NMNAT3: variants seen among roughly 807,000 people sequenced by gnomAD.
The protein encoded by NMNAT3 is nicotinamide/nicotinic acid mononucleotide adenylyltransferase 3.
A neutral mutation model predicts 24.8 loss-of-function variants in NMNAT3; 21 were observed. That is an observed-to-expected ratio of 0.85 (90% confidence interval 0.60 to 1.22). The LOEUF is 1.22. Ranked by LOEUF, NMNAT3 falls within the 50% of genes most tolerant of loss-of-function variation. NMNAT3 has a pLI of 0.00. For missense variants in NMNAT3, 387 were observed against 436.6 expected (o/e 0.89, Z 1.01); for synonymous variants, 136 against 155.2 (o/e 0.88, Z 0.92).
intron 1 of NMNAT3, among the ~76,000 whole-genome samples, chr3:139,648,722 GA>G (rs2056955501): frequency 1.3e-5 from 2 of 152,166 alleles, no homozygotes; most frequent in Admixed American, 1.3e-4. Context: ...CTGCAATAGT[GA>G]AAAATTAGAG....
At chr3:139,663,985 C>A (rs574640821) in intron 1 of NMNAT3, among the ~76,000 whole-genome samples, 1 of 152,208 alleles carries the variant, frequency 6.6e-6, no homozygotes, top group South Asian at 2.1e-4. Flanking sequence ...CCTGAATTCC[C>A]AGCTTAGAGG....
rs1219617432 is a variant in NMNAT3, at chr3:139,677,895, C to T, written c.-331G>A. 2 of 152,194 alleles carry T rather than the reference C, an allele frequency of 1.3e-5. No individual in the cohort carries two copies. Among genetic ancestry groups the T allele is most frequent in the African/African-American group, 4.8e-5 (2 of 41,448 alleles). The allele number at this position is 152,194 out of a possible 1,614,324, so 9.4% of individuals were successfully genotyped here. A position where few individuals can be genotyped will look rare whatever the true frequency, so the allele number is the denominator to read the frequency against. On this transcript the variant is annotated 5_prime_UTR_variant, in exon 1 of 7. Coordinates refer to ENST00000643695, the MANE Select transcript of NMNAT3 (RefSeq NM_001320510.2). ...CCCGGGCAGCCTCAGGTCTAGATCCCCTAGTACCTGAGCTGGAGGCGGGGC... is the reference window on the plus strand; with the variant it reads ...CCCGGGCAGCCTCAGGTCTAGATCCTCTAGTACCTGAGCTGGAGGCGGGGC...
At chr3:139,593,197 C>T (rs2054281260) in intron 3 of NMNAT3, among the ~76,000 whole-genome samples, 1 of 152,086 alleles carries the variant, frequency 6.6e-6, no homozygotes, top group African/African-American at 2.4e-5. Context: ...AGACTTTAAA[C>T]CAACAAAGAT....
intron 3 of NMNAT3, among the ~76,000 whole-genome samples, chr3:139,617,668 A>G (rs1167588028): frequency 2.6e-5 from 4 of 152,242 alleles, no homozygotes; most frequent in African/African-American, 9.6e-5. Flanking sequence ...TAAAATAAAC[A>G]CACGTGGATT....
At chr3:139,621,617 C>T (rs761995951) in intron 3 of NMNAT3, among the ~76,000 whole-genome samples, 1 of 152,146 alleles carries the variant, frequency 6.6e-6, no homozygotes, top group Non-Finnish European at 1.5e-5. Context: ...AGTGATCCAC[C>T]CACCTTGGCC....
chr3:139,580,352 A>G (rs545270403), intron 4 of NMNAT3, among the ~76,000 whole-genome samples: 41 of 152,240 alleles, frequency 2.7e-4, no homozygotes, highest in African/African-American at 9.4e-4. Context: ...CCAACCCCTG[A>G]CCTCAAGTGA....
intron 3 of NMNAT3, among the ~76,000 whole-genome samples, chr3:139,591,963 G>A (rs1576594743): frequency 6.6e-6 from 1 of 152,356 alleles, no homozygotes; most frequent in Non-Finnish European, 1.5e-5. Context: ...AACAAAGCTG[G>A]ATGGAGAATG....
rs188259697 is a variant in NMNAT3, at chr3:139,657,967, T to C, written c.-141+19738A>G. On this transcript the variant is annotated intron_variant, in intron 1 of 6. Coordinates refer to ENST00000643695, the MANE Select transcript of NMNAT3 (RefSeq NM_001320510.2). Reference sequence around the variant, plus strand: ...GGCCTGAGAATGCCATTCTTGCCCATTGGACCTGCCCAATCCCCAAAATGG... The same window carrying C: ...GGCCTGAGAATGCCATTCTTGCCCACTGGACCTGCCCAATCCCCAAAATGG... Among the ~76,000 whole-genome samples the C allele has an allele frequency of 2.7e-3, 404 of 152,112 alleles. 2 individuals are homozygous for C. The highest frequency in any genetic ancestry group is 9.3e-3 in the African/African-American group (387 of 41,480).
At chr3:139,613,210 G>A (rs983680021) in intron 3 of NMNAT3, among the ~76,000 whole-genome samples, 5 of 152,050 alleles carry the variant, frequency 3.3e-5, no homozygotes, top group African/African-American at 9.7e-5. Context: ...CTACAGAATG[G>A]GATAAAATTT....
intron 2 of NMNAT3, among the ~76,000 whole-genome samples, chr3:139,630,509 C>G (rs1409857456): frequency 1.3e-5 from 2 of 152,232 alleles, no homozygotes; most frequent in East Asian, 3.8e-4. Context: ...GCTTATGTGT[C>G]TTTCCTATCC....
chr3:139,592,837 A>T (rs1222022581), intron 3 of NMNAT3, among the ~76,000 whole-genome samples: 2 of 152,224 alleles, frequency 1.3e-5, no homozygotes, highest in African/African-American at 4.8e-5. Context: ...CATGGAAAGG[A>T]ACAACGGGTA....
intron 6 of NMNAT3, chr3:139,566,170 G>A (rs554099958): frequency 3.5e-4 from 54 of 152,292 alleles, no homozygotes; most frequent in African/African-American, 1.3e-3. Flanking sequence ...CTTTTGAGAA[G>A]TGTCTGTTCA....
Position 139,574,631 on chromosome 3 carries a change from A to C in NMNAT3, c.576-951T>G, listed in dbSNP as rs568147021. Among the ~76,000 whole-genome samples, 41 of 152,224 alleles carry C rather than the reference A, an allele frequency of 2.7e-4. 1 individual carries two copies. In the South Asian group the frequency reaches 7.7e-3, roughly 29 times the overall value. On this transcript the variant is annotated intron_variant, in intron 5 of 6. Transcript: ENST00000643695. ...GGGGGCAGTAGTGCCTGGTGGGAAA[A>C]GCATATGCTTTTCAGCCAGAGTGGG...
chr3:139,609,791 C>T (rs1303240099), intron 3 of NMNAT3: 1 of 152,222 alleles, frequency 6.6e-6, no homozygotes, highest in African/African-American at 2.4e-5. Context: ...CTGTTCACCA[C>T]TCCTTAGGCA....
chr3:139,561,152 C>T lies in NMNAT3; in HGVS notation c.899G>A (p.Arg300Lys), dbSNP rs755439625. 7 of 1,614,042 alleles carry T rather than the reference C, an allele frequency of 4.3e-6. No individual in the cohort carries two copies. The highest frequency in any genetic ancestry group is 5.9e-6 in the Non-Finnish European group (7 of 1,180,052). Residue 300 changes from arginine to lysine, a missense_variant, in exon 7 of 7, where the codon AGG (arginine) becomes AAG (lysine). Physicochemically the swap from Arg to Lys is conservative, Grantham distance 26 (BLOSUM62 2). This residue lies in a region of NMNAT3 where 323 missense variants were observed against 345.2 expected (regional missense o/e 0.94). Coordinates refer to ENST00000643695, the MANE Select transcript of NMNAT3 (RefSeq NM_001320510.2). ...GCTCTGCCCTTGGCCCAAGGCTCGC[C>T]TGATGTATGTGGCACTGATCTCATT...
At chr3:139,664,772 G>C (rs1315303630) in intron 1 of NMNAT3, among the ~76,000 whole-genome samples, 1 of 152,188 alleles carries the variant, frequency 6.6e-6, no homozygotes, top group Non-Finnish European at 1.5e-5. Context: ...CTTCTTTAAA[G>C]CAGTGAGCAC....
chr3:139,605,493 A>T (rs140963288), intron 3 of NMNAT3, among the ~76,000 whole-genome samples: 15 of 152,240 alleles, frequency 9.9e-5, no homozygotes, highest in African/African-American at 3.6e-4. Flanking sequence ...GAACTCAAAG[A>T]TGCTTTTCAG....
chr3:139,660,172 G>A (rs147588202), intron 1 of NMNAT3, among the ~76,000 whole-genome samples: 1 of 152,334 alleles, frequency 6.6e-6, no homozygotes, highest in Non-Finnish European at 1.5e-5. Context: ...AGTACAGACA[G>A]GGTGGGTCGG....
intron 1 of NMNAT3, among the ~76,000 whole-genome samples, chr3:139,669,249 G>C (rs1375350993): frequency 6.6e-6 from 1 of 152,066 alleles, no homozygotes; most frequent in Non-Finnish European, 1.5e-5. Flanking sequence ...AAGGCAGGCA[G>C]ATCACTTGAG....
Sources: allele counts gnomAD v4.1 joint callset (sites outside exome capture counted in the v4.1 genomes callset), GRCh38; gene constraint gnomAD v4.1.1; regional missense constraint gnomAD v4.1.1; transcripts MANE v1.5; gene names NCBI Gene and HGNC (gene_info 2026-07-23, HGNC 2026-07-21).